Variants in PRKCE observed in about 807,000 individuals in gnomAD.
The protein encoded by PRKCE is protein kinase C epsilon.
In PRKCE, 16 loss-of-function variants were observed where a neutral mutation model predicts 85.4. The ratio of observed to expected loss-of-function variants is 0.19; its 90% CI spans 0.13 to 0.28. PRKCE has a LOEUF of 0.28. PRKCE is among the 10% of genes least tolerant of loss of function. PRKCE has a pLI of 1.00. For missense variants in PRKCE, 573 were observed against 975.2 expected (o/e 0.59, Z 5.49); for synonymous variants, 388 against 371.5 (o/e 1.04, Z -0.51).
intron 14 of PRKCE, among the ~76,000 whole-genome samples, chr2:46,178,190 G>T (rs1314000893): frequency 6.6e-6 from 1 of 152,184 alleles, no homozygotes; most frequent in Non-Finnish European, 1.5e-5. Flanking sequence ...AACCCGGGAG[G>T]CGGAGGTTGC....
At chr2:45,660,201 C>T (rs1675574807) in intron 1 of PRKCE, among the ~76,000 whole-genome samples, 4 of 152,024 alleles carry the variant, frequency 2.6e-5, no homozygotes, top group South Asian at 4.1e-4. Context: ...CATGGCATCT[C>T]GATAGAAACC....
chr2:46,092,664 G>T (rs546498420), intron 11 of PRKCE, among the ~76,000 whole-genome samples: 2 of 152,288 alleles, frequency 1.3e-5, no homozygotes, highest in South Asian at 2.1e-4. Flanking sequence ...CAAAGGAGAG[G>T]CTTAGGAGGG....
intron 1 of PRKCE, among the ~76,000 whole-genome samples, chr2:45,761,276 G>A (rs113814218): frequency 4.0e-3 from 522 of 129,188 alleles, no homozygotes; most frequent in African/African-American, 0.015. Context: ...GCAGTAAGCC[G>A]AGATCACACC....
At chr2:45,734,391 G>C (rs1278260725) in intron 1 of PRKCE, among the ~76,000 whole-genome samples, 1 of 151,782 alleles carries the variant, frequency 6.6e-6, no homozygotes, top group Admixed American at 6.6e-5. Flanking sequence ...ATTAAACTCT[G>C]AAATTCAGTT....
At chr2:45,682,715 T>A (rs576381073) in intron 1 of PRKCE, among the ~76,000 whole-genome samples, 8 of 152,294 alleles carry the variant, frequency 5.3e-5, no homozygotes, top group African/African-American at 1.7e-4. Context: ...GCCTCACAAG[T>A]AGCTGGGATT....
At chr2:46,011,116 T>C (rs1705634808) in intron 10 of PRKCE, among the ~76,000 whole-genome samples, 1 of 152,250 alleles carries the variant, frequency 6.6e-6, no homozygotes, top group South Asian at 2.1e-4. Context: ...ATTTGTTACC[T>C]GTTTTTAGTA....
At chr2:46,089,842 G>A (rs746970816) in intron 11 of PRKCE, among the ~76,000 whole-genome samples, 1 of 152,134 alleles carries the variant, frequency 6.6e-6, no homozygotes, top group Non-Finnish European at 1.5e-5. Flanking sequence ...CCACCCTTTA[G>A]GCACTCCAAA....
At chr2:45,901,990 C>T (rs956141757) in intron 2 of PRKCE, among the ~76,000 whole-genome samples, 2 of 152,174 alleles carry the variant, frequency 1.3e-5, no homozygotes, top group African/African-American at 2.4e-5. Flanking sequence ...TTTTCCAGGA[C>T]AGAAGAACTG....
At chr2:46,152,729 A>T (rs2104534457) in intron 13 of PRKCE, among the ~76,000 whole-genome samples, 1 of 151,736 alleles carries the variant, frequency 6.6e-6, no homozygotes, top group East Asian at 2.0e-4. Context: ...TTGTATTTTT[A>T]GTAGAGATGG....
At chr2:46,175,660 C>T (rs753448486) in intron 14 of PRKCE, among the ~76,000 whole-genome samples, 7 of 152,212 alleles carry the variant, frequency 4.6e-5, no homozygotes, top group Non-Finnish European at 8.8e-5. Context: ...GGCTAAGCCA[C>T]TAAGCTACCT....
At chr2:45,745,012 C>G (rs1446187641) in intron 1 of PRKCE, among the ~76,000 whole-genome samples, 1 of 152,194 alleles carries the variant, frequency 6.6e-6, no homozygotes, top group Non-Finnish European at 1.5e-5. Context: ...GATATGCCCT[C>G]TGCTTTAACC....
At chr2:45,903,226 TC>T (rs1696702283) in intron 2 of PRKCE, among the ~76,000 whole-genome samples, 1 of 152,210 alleles carries the variant, frequency 6.6e-6, no homozygotes, top group Admixed American at 6.5e-5. Flanking sequence ...CTCCAAGGGA[TC>T]CCTGCCTGGC....
At chr2:45,920,333 C>T (rs1490800057) in intron 2 of PRKCE, among the ~76,000 whole-genome samples, 1 of 152,176 alleles carries the variant, frequency 6.6e-6, no homozygotes, top group African/African-American at 2.4e-5. Flanking sequence ...TAAAATGGTG[C>T]AGACGCTTTG....
intron 6 of PRKCE, among the ~76,000 whole-genome samples, chr2:45,985,938 G>C (rs1376076752): frequency 6.6e-6 from 1 of 152,200 alleles, no homozygotes; most frequent in Non-Finnish European, 1.5e-5. Flanking sequence ...CAGGATCTAA[G>C]CAATTAAAGC....
chr2:46,174,368 A>G (rs540500145), intron 14 of PRKCE, among the ~76,000 whole-genome samples: 10 of 152,376 alleles, frequency 6.6e-5, no homozygotes, highest in African/African-American at 2.2e-4. Flanking sequence ...AATCTTTTCA[A>G]TGATGTAAAG....
At chr2:46,133,992 T>C (rs1674714253) in intron 11 of PRKCE, among the ~76,000 whole-genome samples, 1 of 152,242 alleles carries the variant, frequency 6.6e-6, no homozygotes, top group Non-Finnish European at 1.5e-5. Context: ...TGCTTGGTTC[T>C]CTTCCTGAGT....
intron 14 of PRKCE, among the ~76,000 whole-genome samples, chr2:46,176,880 T>TGGAG (rs1679480098): frequency 6.6e-6 from 1 of 152,210 alleles, no homozygotes; most frequent in Admixed American, 6.5e-5. Flanking sequence ...GACATAAAGC[T>TGGAG]GGAGGATACA....
chr2:45,728,667 C>A (rs552947953), intron 1 of PRKCE, among the ~76,000 whole-genome samples: 12 of 152,334 alleles, frequency 7.9e-5, no homozygotes, highest in African/African-American at 2.9e-4. Flanking sequence ...TGAAAGCCCC[C>A]AGGTTGCCTG....
intron 2 of PRKCE, among the ~76,000 whole-genome samples, chr2:45,864,326 A>G (rs1693407567): frequency 6.6e-6 from 1 of 152,222 alleles, no homozygotes; most frequent in African/African-American, 2.4e-5. Flanking sequence ...GAAGAAGGCA[A>G]GACCTCAGAA....
Sources: gnomAD v4.1 joint callset for allele counts (sites outside exome capture counted in the v4.1 genomes callset) on GRCh38, gnomAD v4.1.1 for gene constraint, MANE v1.5 for transcripts, NCBI Gene and HGNC (gene_info 2026-07-23, HGNC 2026-07-21) for gene names.